Variants in MON2 observed in about 807,000 individuals in gnomAD.
MON2 encodes protein MON2 homolog.
A neutral mutation model predicts 208.6 loss-of-function variants in MON2; 84 were observed. The observed-to-expected ratio is 0.40, with a 90% CI of 0.34 to 0.48. The LOEUF (loss-of-function observed/expected upper bound fraction) is 0.48, where lower values mean the gene tolerates loss of function less well. MON2 is among the 20% of genes least tolerant of loss of function. The probability of loss-of-function intolerance (pLI) is 0.59; values close to 1 mark genes in which losing one functional copy is unlikely to be tolerated. For synonymous variants in MON2, 660 were observed against 694.0 expected, an observed-to-expected ratio of 0.95 and a Z score of 0.77; for missense variants, 1,611 against 2,015.4, an observed-to-expected ratio of 0.80 and a Z score of 3.84.
In MON2 at chr12:62,537,158, C is replaced by T. The variant is rs77761138; in HGVS notation, c.1908C>T (p.Ser636=). ...TAATLSNKSY[S]VQGQSVMMIS... Reference sequence around the variant, plus strand: ...CTTTCCTTTGTGTTCTAGCATATTCCGTTCAGGGCCAAAGTGTTATGATGA... The same window carrying T: ...CTTTCCTTTGTGTTCTAGCATATTCTGTTCAGGGCCAAAGTGTTATGATGA... Residue 636 remains serine (S), a synonymous_variant, in exon 15 of 35, where the codon TCC becomes TCT. Coordinates refer to ENST00000393630, the MANE Select transcript of MON2 (RefSeq NM_015026.3). The T allele has an allele frequency of 7.7e-3, 12,364 of 1,598,948 alleles. 813 individuals are homozygous for T. In the African/African-American group the frequency reaches 0.14, roughly 18 times the overall value.
intron 1 of MON2, among the ~76,000 whole-genome samples, chr12:62,477,865 A>G (rs748855224): frequency 1.3e-5 from 2 of 152,156 alleles, no homozygotes; most frequent in East Asian, 1.9e-4. Flanking sequence ...CTTTCCTTCA[A>G]AATGGTGTCA....
At chr12:62,512,955 C>T (rs148909283) in intron 8 of MON2, among the ~76,000 whole-genome samples, 42 of 152,340 alleles carry the variant, frequency 2.8e-4, no homozygotes, top group African/African-American at 7.5e-4. Flanking sequence ...TCTGAAGCTA[C>T]GGCCCGAGCT....
chr12:62,508,894 AT>A (rs963076423), intron 8 of MON2: 16 of 161,230 alleles, frequency 9.9e-5, no homozygotes, highest in Admixed American at 1.8e-4. Context: ...TTAGAAACCA[AT>A]TATTTTGACT....
At chr12:62,541,333 C>T (rs1201897709) in intron 19 of MON2, among the ~76,000 whole-genome samples, 1 of 150,504 alleles carries the variant, frequency 6.6e-6, no homozygotes, top group Non-Finnish European at 1.5e-5. Flanking sequence ...CAAGATTGCG[C>T]CATTGCACTC....
rs1334588703 is a variant in MON2 at position 62,585,341 on chromosome 12, T to C, written c.4747T>C (p.Phe1583Leu). The C allele has an allele frequency of 4.3e-6, 7 of 1,613,712 alleles. No homozygotes were observed. Among genetic ancestry groups the C allele is most frequent in the Non-Finnish European group, 5.9e-6 (7 of 1,179,886 alleles). Reference sequence around the variant, plus strand: ...GAGAGAGGAATTTTCTAAAATGTGTTTTGAAACATTACTCCAGTTTTCCTT... The same window carrying C: ...GAGAGAGGAATTTTCTAAAATGTGTCTTGAAACATTACTCCAGTTTTCCTT... The part of the protein sequence containing the change: ...RLREEFSKMC[F>L]ETLLQFSFSN... Residue 1583 changes from phenylalanine to leucine, a missense_variant, in exon 33 of 35, where the codon TTT becomes CTT. Physicochemically the swap from Phe to Leu is conservative, Grantham distance 22. Coordinates refer to ENST00000393630, the MANE Select transcript of MON2 (RefSeq NM_015026.3).
intron 1 of MON2, among the ~76,000 whole-genome samples, chr12:62,475,809 C>T (rs896510529): frequency 5.3e-5 from 8 of 150,694 alleles, no homozygotes; most frequent in South Asian, 4.2e-4. Flanking sequence ...CAGGAGTTCA[C>T]GACCAGCCTG....
intron 32 of MON2, among the ~76,000 whole-genome samples, chr12:62,583,633 G>C (rs1414482829): frequency 6.6e-6 from 1 of 151,792 alleles, no homozygotes; most frequent in South Asian, 2.1e-4. Context: ...ATTTCAGAAA[G>C]AAAGAAAAAA....
At chr12:62,470,187 G>C (rs1033428406) in intron 1 of MON2, among the ~76,000 whole-genome samples, 1 of 152,002 alleles carries the variant, frequency 6.6e-6, no homozygotes, top group African/African-American at 2.4e-5. Context: ...GATTATAGGC[G>C]TATCCCAGGC....
intron 33 of MON2, among the ~76,000 whole-genome samples, chr12:62,586,240 A>T (rs2136488129): frequency 6.6e-6 from 1 of 152,344 alleles, no homozygotes; most frequent in African/African-American, 2.4e-5. Context: ...GACGAAAATC[A>T]TTGTTCCCGT....
At chr12:62,512,986 C>G (rs540904429) in intron 8 of MON2, among the ~76,000 whole-genome samples, 16 of 152,254 alleles carry the variant, frequency 1.1e-4, no homozygotes, top group Admixed American at 2.6e-4. Flanking sequence ...CCCTTTCAGT[C>G]GGCTGGAGTG....
At position 62,538,455 on chromosome 12, in the gene MON2, C is replaced by G; in HGVS notation, c.2314C>G (p.Leu772Val). 6.2e-7 allele frequency: 1 copy of G among 1,611,836 alleles called. No homozygotes were observed. The highest frequency in any genetic ancestry group is 8.5e-7 in the Non-Finnish European group (1 of 1,178,346). The change falls in exon 19 of 35, where the codon CTT (leucine) becomes GTT (valine). Residue 772 changes from leucine to valine, a missense_variant. Transcript: ENST00000393630. ...ATCACTGCATCATTTAATAAATGCACTTTGCTCCTTGTCTCTAGAAGCAAT... is the reference window on the plus strand; with the variant it reads ...ATCACTGCATCATTTAATAAATGCAGTTTGCTCCTTGTCTCTAGAAGCAAT... Reference protein sequence around the residue: ...DVSLHHLINALCSLSLEAMDM... With the variant: ...DVSLHHLINAVCSLSLEAMDM...
chr12:62,551,615 T>C (rs2073750207), intron 23 of MON2, among the ~76,000 whole-genome samples: 1 of 152,202 alleles, frequency 6.6e-6, no homozygotes, highest in Non-Finnish European at 1.5e-5. Flanking sequence ...ACCAACAGAC[T>C]TGTTCAATGC....
intron 11 of MON2, among the ~76,000 whole-genome samples, chr12:62,527,650 CGAGT>C (rs1306965136): frequency 2.0e-5 from 3 of 151,766 alleles, no homozygotes; most frequent in African/African-American, 7.3e-5. Flanking sequence ...TACACTTTAG[CGAGT>C]GAGATAGTAA....
chr12:62,570,682 T>C (rs889372949), intron 29 of MON2, among the ~76,000 whole-genome samples: 5 of 151,742 alleles, frequency 3.3e-5, no homozygotes, highest in African/African-American at 9.7e-5. Context: ...ATCAGCCAAA[T>C]TATTTTTTGC....
At position 62,471,963 on chromosome 12, in the gene MON2, G is replaced by C. The variant is rs145193690; in HGVS notation, c.111+4645G>C. Among the ~76,000 whole-genome samples, 185 of 152,282 alleles carry C rather than the reference G, an allele frequency of 1.2e-3. 1 individual carries two copies. The highest frequency in any genetic ancestry group is 4.2e-3 in the African/African-American group (176 of 41,558). On this transcript the variant is annotated intron_variant, in intron 1 of 34. Transcript: ENST00000393630. ...TGGTCTGTGGCCTCTGCTTTCTTGC[G>C]AAGATAAGAAACAAGCTTGTTAGTA... is the stretch of plus-strand genomic sequence containing the variant.
chr12:62,516,693 A>G (rs543097498), intron 8 of MON2, among the ~76,000 whole-genome samples: 35 of 152,278 alleles, frequency 2.3e-4, no homozygotes, highest in African/African-American at 6.3e-4. Flanking sequence ...AACAAGAGCA[A>G]AACTCCATCT....
intron 33 of MON2, among the ~76,000 whole-genome samples, chr12:62,587,404 G>A (rs548282718): frequency 6.6e-6 from 1 of 151,576 alleles, no homozygotes; most frequent in Non-Finnish European, 1.5e-5. Flanking sequence ...TTGTAGAGAA[G>A]TTTTAAAAGC....
intron 12 of MON2, among the ~76,000 whole-genome samples, chr12:62,533,771 TAC>T (rs1186788590): frequency 6.6e-6 from 1 of 152,148 alleles, no homozygotes; most frequent in Non-Finnish European, 1.5e-5. Flanking sequence ...CATAGCCACA[TAC>T]ACACACCCCC....
Position 62,571,424 on chromosome 12 carries a change from C to G in MON2, c.4356C>G (p.Ser1452=), listed in dbSNP as rs1433878294. The change falls in exon 30 of 35, where the codon TCC becomes TCG. Residue 1452 remains serine, a synonymous_variant. Coordinates refer to ENST00000393630, the MANE Select transcript of MON2 (RefSeq NM_015026.3). ...GGGTTCCTCTCAGTTTGAAGTATTC[C>G]TGCCCTTCTGAAAGCACATGGAAAC... ...TLRVPLSLKY[S]CPSESTWKLA... is the part of the protein sequence containing the mutation. The G allele has an allele frequency of 6.2e-7, 1 of 1,612,052 alleles. No individual in the cohort carries two copies. Among genetic ancestry groups the G allele is most frequent in the Non-Finnish European group, 8.5e-7 (1 of 1,178,574 alleles).
Sources: gnomAD v4.1 joint callset for allele counts (sites outside exome capture counted in the v4.1 genomes callset) on GRCh38, gnomAD v4.1.1 for gene constraint, MANE v1.5 for transcripts, NCBI Gene and HGNC (gene_info 2026-07-23, HGNC 2026-07-21) for gene names.